Variants in EPHA8 observed in about 807,000 individuals in gnomAD.
The protein encoded by EPHA8 is EPH receptor A8.
EPHA8 carries 58 observed loss-of-function variants against 103.6 expected under a neutral mutation model. The ratio of observed to expected loss-of-function variants is 0.56; its 90% CI spans 0.45 to 0.70. The LOEUF (loss-of-function observed/expected upper bound fraction) is 0.70. Among genes scored for constraint, EPHA8 ranks in the 30% least tolerant of loss-of-function variants. The pLI, the probability that EPHA8 is intolerant of heterozygous loss-of-function variation, is 0.00. For synonymous variants in EPHA8, 559 were observed against 572.5 expected, an observed-to-expected ratio of 0.98 and a Z score of 0.34; for missense variants, 1,304 against 1,395.2, an observed-to-expected ratio of 0.93 and a Z score of 1.04.
At chr1:22,601,119 C>A in intron 15 of EPHA8, 31 bp downstream of exon 15, 1 of 1,581,764 alleles carries the variant, frequency 6.3e-7, no homozygotes, top group Non-Finnish European at 8.6e-7. Flanking sequence ...CTCCTTGAGG[C>A]CCAGCTGCCT....
At chr1:22,588,807 T>A (rs1218185331) in intron 4 of EPHA8, 64 bp from the exon 5 acceptor site, 2 of 1,514,442 alleles carry the variant, frequency 1.3e-6, no homozygotes. Flanking sequence ...CCAGGTCTGA[T>A]GATAGGAAGA....
intron 5 of EPHA8, among the ~76,000 whole-genome samples, chr1:22,590,383 T>C (rs1156297269): frequency 3.3e-5 from 5 of 152,160 alleles, no homozygotes; most frequent in Admixed American, 3.3e-4. Context: ...ACCAGACCAT[T>C]TCTCTTCCCA....
intron 2 of EPHA8, among the ~76,000 whole-genome samples, chr1:22,574,282 C>T (rs143183073): frequency 1.3e-5 from 2 of 152,294 alleles, no homozygotes; most frequent in East Asian, 3.9e-4. Context: ...CCCGGCCAGG[C>T]ATCTTTCTTT....
chr1:22,566,940 A>G (rs567942914), intron 1 of EPHA8, among the ~76,000 whole-genome samples: 1 of 152,252 alleles, frequency 6.6e-6, no homozygotes, highest in East Asian at 1.9e-4. Flanking sequence ...ATTGGAACAA[A>G]CAGCCCTGGA....
intron 5 of EPHA8, among the ~76,000 whole-genome samples, chr1:22,591,932 C>T (rs532998545): frequency 2.2e-4 from 33 of 152,186 alleles, no homozygotes; most frequent in Non-Finnish European, 4.0e-4. Flanking sequence ...TTCCCAGCAC[C>T]AAAAGAACCC....
rs1275281000 is a variant in EPHA8, at chr1:22,576,375, C to T, written c.318C>T (p.Arg106=). ...ATGCTGAGATCAAGTTTACCCTGCGCGACTGCAACAGCATGCCTGGTGTGC... is the reference window on the plus strand; with the variant it reads ...ATGCTGAGATCAAGTTTACCCTGCGTGACTGCAACAGCATGCCTGGTGTGC... ...RVYAEIKFTL[R]DCNSMPGVLG... The change falls in exon 3 of 17, where the codon CGC becomes CGT. Residue 106 remains arginine (R), a synonymous_variant. Coordinates refer to ENST00000166244, the MANE Select transcript of EPHA8 (RefSeq NM_020526.5). This position sits in a 1 kb window ranked among gnomAD's most constrained non-coding sequence, Gnocchi z 4.8. The T allele has an allele frequency of 3.7e-6, 6 of 1,613,740 alleles. No individual in the cohort carries two copies. The highest frequency in any genetic ancestry group is 1.7e-5 in the Admixed American group (1 of 60,004).
At chr1:22,600,048 AGGAGGAAGGAAGGGGGGATGGAG>A (rs1330559674) in intron 13 of EPHA8, among the ~76,000 whole-genome samples, 35 of 78,268 alleles carry the variant, frequency 4.5e-4, no homozygotes, top group South Asian at 1.2e-3. Flanking sequence ...GAGGGAGTGG[AGGAGGAAGGAAGGGGGGATGGAG>A]GGAGGAAGGA....
Position 22,596,163 on chromosome 1 carries a change from G to A in EPHA8, c.1755G>A (p.Gln585=). The part of the protein sequence containing the change: ...QDSDEEKMHY[Q]NGQAPPPVFL... ...CGGACGAGGAGAAGATGCACTATCAGAATGGACAGGGTGAGTGCAGGGGCC... is the reference window on the plus strand; with the variant it reads ...CGGACGAGGAGAAGATGCACTATCAAAATGGACAGGGTGAGTGCAGGGGCC... The change falls in exon 9 of 17, where the codon CAG becomes CAA. Residue 585 remains glutamine (Q), a synonymous_variant. Coordinates refer to ENST00000166244, the MANE Select transcript of EPHA8 (RefSeq NM_020526.5). 1 of 1,614,024 alleles carries A rather than the reference G, an allele frequency of 6.2e-7. No individual in the cohort carries two copies. The highest frequency in any genetic ancestry group is 8.5e-7 in the Non-Finnish European group (1 of 1,179,976).
At chr1:22,580,943 G>A (rs1641027765) in intron 3 of EPHA8, among the ~76,000 whole-genome samples, 1 of 152,130 alleles carries the variant, frequency 6.6e-6, no homozygotes, top group African/African-American at 2.4e-5. Flanking sequence ...ATTCAGGTGG[G>A]GCTAATGAAG....
At chr1:22,566,020 G>A (rs1210170444) in intron 1 of EPHA8, among the ~76,000 whole-genome samples, 2 of 152,202 alleles carry the variant, frequency 1.3e-5, no homozygotes, top group South Asian at 2.1e-4. Flanking sequence ...TGGAACTCAG[G>A]GAGGGGCCTG....
In EPHA8 at chr1:22,603,277, G is replaced by A. The variant is rs1042530271; in HGVS notation, c.*1536G>A. ...AGTCTCAGCCCCATCCAGGTGCCGCGGCCAGCTCTCTACACCTCTATATAT... is the reference window on the plus strand; with the variant it reads ...AGTCTCAGCCCCATCCAGGTGCCGCAGCCAGCTCTCTACACCTCTATATAT... On this transcript the variant is annotated 3_prime_UTR_variant, in exon 17 of 17. Coordinates refer to ENST00000166244, the MANE Select transcript of EPHA8 (RefSeq NM_020526.5). The A allele has an allele frequency of 2.0e-5, 3 of 152,254 alleles. No individual in the cohort carries two copies. The highest frequency in any genetic ancestry group is 2.1e-4 in the South Asian group (1 of 4,806). The allele number at this position is 152,254 out of a possible 1,614,324, so 9.4% of individuals were successfully genotyped here. A position where few individuals can be genotyped will look rare whatever the true frequency, so the allele number is the denominator to read the frequency against.
chr1:22,601,656 T>C lies in EPHA8; in HGVS notation c.2933T>C (p.Met978Thr). Residue 978 changes from methionine to threonine, a missense_variant, in exon 17 of 17, where the codon ATG becomes ACG. Met to Thr is a moderately conservative substitution (Grantham distance 81). Coordinates refer to ENST00000166244, the MANE Select transcript of EPHA8 (RefSeq NM_020526.5). ...QDVRALGITL[M>T]GHQKKILGSI... Reference sequence around the variant, plus strand: ...GTGCGCGCCCTGGGCATCACCCTCATGGGCCACCAGAAGAAGATCCTGGGC... The same window carrying C: ...GTGCGCGCCCTGGGCATCACCCTCACGGGCCACCAGAAGAAGATCCTGGGC... 2 of 1,595,568 alleles carry C rather than the reference T, an allele frequency of 1.3e-6. No individual in the cohort carries two copies. Among genetic ancestry groups the C allele is most frequent in the South Asian group, 1.1e-5 (1 of 88,414 alleles).
chr1:22,591,190 G>A (rs1241447138), intron 5 of EPHA8, among the ~76,000 whole-genome samples: 1 of 151,974 alleles, frequency 6.6e-6, no homozygotes, highest in African/African-American at 2.4e-5. Context: ...AGGAGTTTGA[G>A]ATCAGCCTGG....
At position 22,601,883 on chromosome 1, in the gene EPHA8, C is replaced by T. The variant is rs894158320; in HGVS notation, c.*142C>T. On this transcript the variant is annotated 3_prime_UTR_variant, in exon 17 of 17. Transcript: ENST00000166244. ...GTGCTGGAGGAGCTGAAGGCTTCGCCACAGGACCTGGAGTTATCAGGGGTC... is the reference window on the plus strand; with the variant it reads ...GTGCTGGAGGAGCTGAAGGCTTCGCTACAGGACCTGGAGTTATCAGGGGTC... The T allele has an allele frequency of 3.2e-5, 27 of 850,230 alleles. No individual in the cohort carries two copies. The highest frequency in any genetic ancestry group is 4.9e-5 in the Non-Finnish European group (27 of 549,294). 52.7% of individuals were successfully genotyped at this position (850,230 alleles called of 1,614,324 possible).
At chr1:22,579,202 T>C (rs1363906078) in intron 3 of EPHA8, among the ~76,000 whole-genome samples, 1 of 150,082 alleles carries the variant, frequency 6.7e-6, no homozygotes, top group Admixed American at 6.6e-5. Context: ...TATGTGTACC[T>C]GTGTGCATGT....
intron 16 of EPHA8, 25 bp from the exon 17 acceptor site, chr1:22,601,602 G>GGGT: frequency 6.3e-7 from 1 of 1,582,870 alleles, no homozygotes; most frequent in Middle Eastern, 1.7e-4. Flanking sequence ...AGGCCCAGCT[G>GGGT]GCCAGCAGCA....
At chr1:22,600,638 C>G in intron 13 of EPHA8, 23 bp from the exon 14 acceptor site, 1 of 1,611,318 alleles carries the variant, frequency 6.2e-7, no homozygotes, top group Non-Finnish European at 8.5e-7. Context: ...GGCAGCCCCT[C>G]AACTCTTGTG....
intron 2 of EPHA8, among the ~76,000 whole-genome samples, chr1:22,574,566 T>C (rs2124517483): frequency 6.6e-6 from 1 of 152,344 alleles, no homozygotes; most frequent in African/African-American, 2.4e-5. Flanking sequence ...ATCCTAACTA[T>C]TTGTTTTTTG....
chr1:22,570,480 G>T (rs371755291), intron 2 of EPHA8, among the ~76,000 whole-genome samples: 1 of 152,408 alleles, frequency 6.6e-6, no homozygotes, highest in East Asian at 1.9e-4. Context: ...AGCTTCTATG[G>T]CTCTGAGGAC....
Sources: allele counts gnomAD v4.1 joint callset (sites outside exome capture counted in the v4.1 genomes callset), GRCh38; gene constraint gnomAD v4.1.1; non-coding constraint Gnocchi (gnomAD v3.1); transcripts MANE v1.5; gene names NCBI Gene and HGNC (gene_info 2026-07-23, HGNC 2026-07-21).